CAPN11: variants seen among roughly 807,000 people sequenced by gnomAD.
CAPN11 encodes the protein calpain-11.
Under a neutral mutation model 105.3 loss-of-function variants are expected in CAPN11, and 108 were observed. That is an observed-to-expected ratio of 1.03 (90% CI 0.88 to 1.20). CAPN11 has a LOEUF of 1.20. Ranked by LOEUF, CAPN11 falls within the 50% of genes most tolerant of loss-of-function variation. The pLI is 0.00. For missense variants in CAPN11, 883 were observed against 924.8 expected (o/e 0.95, Z 0.59); for synonymous variants, 329 against 344.5 (o/e 0.96, Z 0.50).
chr6:44,178,950 A>G (rs1017271475), intron 12 of CAPN11, among the ~76,000 whole-genome samples: 1 of 152,078 alleles, frequency 6.6e-6, no homozygotes, highest in African/African-American at 2.4e-5. Flanking sequence ...AAAAAAGCTC[A>G]GGAAAGACTA....
chr6:44,168,201 C>T (rs1770302605), intron 2 of CAPN11, among the ~76,000 whole-genome samples: 1 of 152,196 alleles, frequency 6.6e-6, no homozygotes, highest in East Asian at 1.9e-4. Flanking sequence ...AACAGGCAAC[C>T]CCTAATCTAC....
Position 44,176,251 on chromosome 6 carries a change from A to G in CAPN11, c.916-2A>G. 6.3e-7 allele frequency: 1 copy of G among 1,577,332 alleles called. No homozygotes were observed. On this transcript the variant is annotated splice_acceptor_variant, in intron 8 of 22. Transcript: ENST00000398776. LOFTEE classifies it high-confidence loss of function. ...GACCTTTAACCACCCCCGCCCACCC[A>G]GGTCCACTACAGAGGCAAAATGGAA...
chr6:44,180,520 TG>T, intron 15 of CAPN11, 21 bp downstream of exon 15: 1 of 1,613,742 alleles, frequency 6.2e-7, no homozygotes. Context: ...ACTGTAGGGC[TG>T]GGGGTTGGAA....
chr6:44,182,304 C>CAG (rs1773881626), intron 19 of CAPN11, among the ~76,000 whole-genome samples: 1 of 143,056 alleles, frequency 7.0e-6, no homozygotes, highest in African/African-American at 2.7e-5. Flanking sequence ...CACACACACA[C>CAG]ACACACACTC....
At position 44,171,256 on chromosome 6, in the gene CAPN11, A is replaced by C. The variant is rs542873311; in HGVS notation, c.410-1046A>C. ...CCACCCAGCAAGGGCTGAGATGCCT[A>C]GGAGACAGGTGGCAATGGAGGTCTG... On this transcript the variant is annotated intron_variant, in intron 4 of 22. Coordinates refer to ENST00000398776, the MANE Select transcript of CAPN11 (RefSeq NM_007058.4). Among the ~76,000 whole-genome samples the C allele has an allele frequency of 3.5e-4, 53 of 152,316 alleles. 1 individual carries two copies. Among genetic ancestry groups the C allele is most frequent in the Non-Finnish European group, 2.1e-4 (14 of 68,022 alleles).
chr6:44,180,384 G>A, intron 14 of CAPN11, 76 bp from the exon 15 acceptor site: 1 of 1,384,740 alleles, frequency 7.2e-7, no homozygotes, highest in Admixed American at 1.7e-5. Flanking sequence ...GACATGACAT[G>A]ACCCCCAGAG....
Position 44,181,469 on chromosome 6 carries a change from TCACATACAGACACAACCACAC to T in CAPN11, c.1938+154_1938+174del, listed in dbSNP as rs1773240767. On this transcript the variant is annotated intron_variant, in intron 19 of 22. Transcript: ENST00000398776. ...CACACTCACACACACACACACACAC[TCACATACAGACACAACCACAC>T]CACACACACACACACACACTCACAT... The T allele has an allele frequency of 5.8e-5, 5 of 86,724 alleles. No individual in the cohort carries two copies. In the African/African-American group the frequency reaches 7.2e-4, roughly 12 times the overall value. The allele number at this position is 86,724 out of a possible 1,614,324, so 5.4% of individuals were successfully genotyped here. A position where few individuals can be genotyped will look rare whatever the true frequency, so the allele number is the denominator to read the frequency against.
chr6:44,182,968 C>T lies in CAPN11; in HGVS notation c.1966C>T (p.His656Tyr). The T allele has an allele frequency of 6.2e-7, 1 of 1,610,982 alleles. No individual in the cohort carries two copies. The highest frequency in any genetic ancestry group is 8.5e-7 in the Non-Finnish European group (1 of 1,178,446). The change falls in exon 20 of 23, where the codon CAT becomes TAT. Residue 656 changes from histidine to tyrosine, a missense_variant. By Grantham distance (83) the His-to-Tyr change is moderately conservative. Coordinates refer to ENST00000398776, the MANE Select transcript of CAPN11 (RefSeq NM_007058.4). ...CATCTTCAGAGAGTGTGACCAGGAC[C>T]ATTCAGGCACCTTGAACTCCTATGA... ...MDIFRECDQD[H>Y]SGTLNSYEMR...
In CAPN11 at chr6:44,166,846, G is replaced by C. The variant is rs746025988; in HGVS notation, c.88+17G>C. Reference sequence around the variant, plus strand: ...CATGTGCGGGTAGGACTGCAGACCCGTCGTGGCTCTGTGGCCTCCCTTTTT... The same window carrying C: ...CATGTGCGGGTAGGACTGCAGACCCCTCGTGGCTCTGTGGCCTCCCTTTTT... On this transcript the variant is annotated intron_variant, in intron 2 of 22. Transcript: ENST00000398776. 2.0e-6 allele frequency: 3 copies of C among 1,527,194 alleles called. No individual in the cohort carries two copies. The Admixed American group carries it at 5.9e-5, about 30-fold the overall frequency. 94.6% of individuals were successfully genotyped at this position (1,527,194 alleles called of 1,614,324 possible).
intron 2 of CAPN11, among the ~76,000 whole-genome samples, chr6:44,168,722 C>T (rs904716673): frequency 7.9e-5 from 12 of 152,192 alleles, no homozygotes; most frequent in Non-Finnish European, 2.9e-5. Context: ...TGGGTTCAAG[C>T]GATTCTCCTG....
chr6:44,172,370 C>T lies in CAPN11; in HGVS notation c.478C>T (p.Pro160Ser). The T allele has an allele frequency of 6.4e-7, 1 of 1,561,790 alleles. No individual in the cohort carries two copies. Among genetic ancestry groups the T allele is most frequent in the Non-Finnish European group, 8.7e-7 (1 of 1,153,132 alleles). Residue 160 changes from proline (P) to serine (S), a missense_variant, in exon 5 of 23, where the codon CCC becomes TCC. Transcript: ENST00000398776. ...CCCCAAACTGCTATACCGCGTGGTG[C>T]CCAGAGGACAGAGCTTCAAGAAAAA... ...TCPKLLYRVV[P>S]RGQSFKKNYA...
chr6:44,168,060 A>G (rs1000778602), intron 2 of CAPN11, among the ~76,000 whole-genome samples: 2 of 152,194 alleles, frequency 1.3e-5, no homozygotes, highest in Non-Finnish European at 1.5e-5. Flanking sequence ...AGAGTGTATA[A>G]TTCAGTGGCT....
intron 1 of CAPN11, among the ~76,000 whole-genome samples, chr6:44,164,618 G>A (rs1769481634): frequency 6.6e-6 from 1 of 152,212 alleles, no homozygotes; most frequent in Non-Finnish European, 1.5e-5. Flanking sequence ...CTTCACAGAG[G>A]AGGCAGCATC....
intron 19 of CAPN11, among the ~76,000 whole-genome samples, chr6:44,182,637 G>A (rs543354605): frequency 2.8e-4 from 43 of 152,268 alleles, no homozygotes; most frequent in South Asian, 8.3e-4. Context: ...CTGTTGCCCA[G>A]GCTGGAGTGC....
At chr6:44,161,866 A>G (rs1768884090) in intron 1 of CAPN11, 1 of 456,078 alleles carries the variant, frequency 2.2e-6, no homozygotes, top group Non-Finnish European at 4.4e-6. Flanking sequence ...GCACGGTGCA[A>G]GGGCATGGAG....
At position 44,172,934 on chromosome 6, in the gene CAPN11, C is replaced by T. The variant is rs765144796; in HGVS notation, c.529-6C>T. Reference sequence around the variant, plus strand: ...CACGCAAGGGGTGTGTGTTTGCTACCCACAGATTTGGCAGTTTGGACAGTG... The same window carrying T: ...CACGCAAGGGGTGTGTGTTTGCTACTCACAGATTTGGCAGTTTGGACAGTG... On this transcript the variant is annotated splice_polypyrimidine_tract_variant and splice_region_variant and intron_variant, in intron 5 of 22. Coordinates refer to ENST00000398776, the MANE Select transcript of CAPN11 (RefSeq NM_007058.4). 1 of 1,612,780 alleles carries T rather than the reference C, an allele frequency of 6.2e-7. No individual in the cohort carries two copies. Among genetic ancestry groups the T allele is most frequent in the Admixed American group, 1.7e-5 (1 of 59,854 alleles).
At chr6:44,171,984 C>T (rs536183490) in intron 4 of CAPN11, among the ~76,000 whole-genome samples, 56 of 152,140 alleles carry the variant, frequency 3.7e-4, no homozygotes, top group African/African-American at 1.2e-3. Flanking sequence ...GAGAATCGCT[C>T]GAACCCAGGA....
intron 1 of CAPN11, among the ~76,000 whole-genome samples, chr6:44,159,741 T>A (rs555332861): frequency 6.6e-6 from 1 of 152,104 alleles, no homozygotes; most frequent in Non-Finnish European, 1.5e-5. Flanking sequence ...TATTTTTTTT[T>A]AAAGTTCCCT....
intron 1 of CAPN11, among the ~76,000 whole-genome samples, chr6:44,165,365 C>G (rs1408687215): frequency 1.3e-5 from 2 of 152,122 alleles, no homozygotes; most frequent in African/African-American, 4.8e-5. Flanking sequence ...AGAATATCAC[C>G]CATCTCACAG....
Sources: gnomAD v4.1 joint callset for allele counts (sites outside exome capture counted in the v4.1 genomes callset) on GRCh38, gnomAD v4.1.1 for gene constraint, MANE v1.5 for transcripts, NCBI Gene and HGNC (gene_info 2026-07-23, HGNC 2026-07-21) for gene names.